Variants in UBE2D3 observed in about 807,000 individuals in gnomAD.
The protein encoded by UBE2D3 is ubiquitin conjugating enzyme E2 D3.
A neutral mutation model predicts 22.8 loss-of-function variants in UBE2D3; 2 were observed. The ratio of observed to expected loss-of-function variants is 0.09; its 90% CI spans 0.04 to 0.28. The LOEUF (loss-of-function observed/expected upper bound fraction) is 0.28. Among genes scored for constraint, UBE2D3 ranks in the 10% least tolerant of loss-of-function variants. The pLI, the probability that UBE2D3 is intolerant of heterozygous loss-of-function variation, is 1.00. For synonymous variants in UBE2D3, 56 were observed against 60.4 expected, an observed-to-expected ratio of 0.93 and a Z score of 0.34; for missense variants, 27 against 182.5, an observed-to-expected ratio of 0.15 and a Z score of 4.91.
chr4:102,825,887 T>C (rs1730386997), intron 2 of UBE2D3: 4 of 424,576 alleles, frequency 9.4e-6, no homozygotes, highest in African/African-American at 4.1e-5. Context: ...GGCAACACTG[T>C]GTCATTCCAT....
Position 102,827,256 on chromosome 4 carries a change from C to CCCT in UBE2D3, c.-129+168_-129+170dup, listed in dbSNP as rs1372275359. ...TTAGGCGCGAGGACGCGCCCATTCC[C>CCCT]CCTCCTCCTCCAGCAGGAGAGGCCG... On this transcript the variant is annotated intron_variant, in intron 1 of 7. Transcript: ENST00000453744. The CCCT allele has an allele frequency of 1.0e-5, 10 of 963,262 alleles. No homozygotes were observed. In the East Asian group the frequency reaches 1.0e-3, roughly 100 times the overall value. 59.7% of individuals were successfully genotyped at this position (963,262 alleles called of 1,614,324 possible).
At chr4:102,836,320 A>G (rs1156430716) in intron 1 of UBE2D3, among the ~76,000 whole-genome samples, 1 of 151,036 alleles carries the variant, frequency 6.6e-6, no homozygotes, top group Non-Finnish European at 1.5e-5. Context: ...TAATTTTTTT[A>G]TTTTTTAGTA....
At chr4:102,842,900 AGGAGTTCAAGACCAGC>A (rs1279323257) in intron 1 of UBE2D3, among the ~76,000 whole-genome samples, 6 of 33,620 alleles carry the variant, frequency 1.8e-4, no homozygotes, top group African/African-American at 1.1e-3. Context: ...ACCTGAGGTC[AGGAGTTCAAGACCAGC>A]CTGGCCAACG....
intron 7 of UBE2D3, 149 bp downstream of exon 7, chr4:102,799,258 T>A (rs1725744463): frequency 2.8e-6 from 2 of 707,898 alleles, no homozygotes; most frequent in East Asian, 5.5e-5. Flanking sequence ...CTAGTTAAGT[T>A]TTTTTAAATA....
At chr4:102,839,114 G>A (rs778779124) in intron 1 of UBE2D3, among the ~76,000 whole-genome samples, 18 of 152,242 alleles carry the variant, frequency 1.2e-4, no homozygotes, top group South Asian at 6.2e-4. Flanking sequence ...TACAGCTAAG[G>A]TTGAATGGCT....
At chr4:102,824,515 G>C (rs1028905537) in intron 2 of UBE2D3, among the ~76,000 whole-genome samples, 1 of 152,210 alleles carries the variant, frequency 6.6e-6, no homozygotes, top group Non-Finnish European at 1.5e-5. Context: ...TATTACAACA[G>C]ATACCCTTCT....
chr4:102,799,727 G>C (rs541812644), intron 6 of UBE2D3, among the ~76,000 whole-genome samples: 1 of 150,298 alleles, frequency 6.7e-6, no homozygotes, highest in Admixed American at 6.7e-5. Flanking sequence ...CTGCAGACTA[G>C]CCATAAAAAT....
intron 1 of UBE2D3, among the ~76,000 whole-genome samples, chr4:102,865,887 C>A (rs965874353): frequency 6.6e-6 from 1 of 152,148 alleles, no homozygotes; most frequent in Non-Finnish European, 1.5e-5. Flanking sequence ...ACTGTATTTA[C>A]ATATTTATCT....
chr4:102,810,128 A>G (rs1489638523), intron 2 of UBE2D3: 2 of 348,218 alleles, frequency 5.7e-6, no homozygotes, highest in Non-Finnish European at 1.1e-5. Flanking sequence ...CGAAATAGCT[A>G]TAATTAGATA....
intron 1 of UBE2D3, among the ~76,000 whole-genome samples, chr4:102,856,868 C>A (rs971990975): frequency 6.6e-6 from 1 of 152,016 alleles, no homozygotes; most frequent in East Asian, 1.9e-4. Context: ...ACTACAGAGA[C>A]AAAAGATAAT....
At chr4:102,812,792 T>A (rs72939694) in intron 2 of UBE2D3, 264 of 152,326 alleles carry the variant, frequency 1.7e-3, no homozygotes, top group African/African-American at 6.1e-3. Flanking sequence ...TTTTGTCTTA[T>A]TAAAAAAGAA....
chr4:102,843,887 G>C (rs1731902234), intron 1 of UBE2D3: 1 of 152,100 alleles, frequency 6.6e-6, no homozygotes, highest in African/African-American at 2.4e-5. Flanking sequence ...TGTAGCCTGA[G>C]ACAAGACAGT....
intron 2 of UBE2D3, among the ~76,000 whole-genome samples, chr4:102,823,393 G>A (rs927908848): frequency 3.9e-5 from 6 of 152,132 alleles, no homozygotes; most frequent in Admixed American, 3.9e-4. Flanking sequence ...GGAGGGAAAC[G>A]AAGATCAAAT....
intron 1 of UBE2D3, chr4:102,826,946 T>C: frequency 2.0e-6 from 2 of 1,005,092 alleles, no homozygotes; most frequent in Non-Finnish European, 2.4e-6. Context: ...CGGGGCCTAG[T>C]CGGCGCTATA....
intron 2 of UBE2D3, among the ~76,000 whole-genome samples, chr4:102,826,208 A>C (rs747868504): frequency 1.3e-5 from 2 of 152,166 alleles, no homozygotes; most frequent in Middle Eastern, 3.2e-3. Flanking sequence ...AAAAAATAAA[A>C]TAATAAAGGC....
At chr4:102,867,028 A>C (rs1249770127) in intron 1 of UBE2D3, among the ~76,000 whole-genome samples, 1 of 152,246 alleles carries the variant, frequency 6.6e-6, no homozygotes, top group Non-Finnish European at 1.5e-5. Flanking sequence ...AACCTTTTAA[A>C]CATCACTTTG....
At chr4:102,828,245 A>G, upstream of UBE2D3, 1 of 985,382 alleles carries the variant, frequency 1.0e-6, no homozygotes, top group Non-Finnish European at 1.2e-6. Context: ...GTGTGGTGGG[A>G]GGTGCCAAGG....
intron 1 of UBE2D3, among the ~76,000 whole-genome samples, chr4:102,845,282 G>C (rs575029818): frequency 6.6e-6 from 1 of 152,120 alleles, no homozygotes; most frequent in Non-Finnish European, 1.5e-5. Context: ...AATGGTCACT[G>C]GTCCCTATGG....
chr4:102,840,541 A>G (rs1327757717), intron 1 of UBE2D3, among the ~76,000 whole-genome samples: 2 of 152,148 alleles, frequency 1.3e-5, no homozygotes, highest in African/African-American at 2.4e-5. Flanking sequence ...CAGAGAGTAG[A>G]ATGATGGTTA....
Sources: allele counts gnomAD v4.1 joint callset (sites outside exome capture counted in the v4.1 genomes callset), GRCh38; gene constraint gnomAD v4.1.1; transcripts MANE v1.5; gene names NCBI Gene and HGNC (gene_info 2026-07-23, HGNC 2026-07-21).